Variants in FMO3 observed in about 807,000 individuals in gnomAD.
The protein encoded by FMO3 is flavin containing dimethylaniline monoxygenase 3.
In FMO3, 40 loss-of-function variants were observed where a neutral mutation model predicts 39.4. That is an observed-to-expected ratio of 1.02 (90% CI 0.79 to 1.32). FMO3 has a LOEUF of 1.32. FMO3 is among the 40% of genes most tolerant of loss of function. The pLI is 0.00. For synonymous variants in FMO3, 219 were observed against 228.8 expected (o/e 0.96, Z 0.39); for missense variants, 680 against 651.8 (o/e 1.04, Z -0.47).
chr1:171,100,818 A>G (rs12076145), intron 2 of FMO3: 123,285 of 256,838 alleles, frequency 0.48, 30,328 homozygotes, highest in African/African-American at 0.52. Context: ...CAAAGATATC[A>G]CATCCAAATT....
intron 2 of FMO3, among the ~76,000 whole-genome samples, chr1:171,098,382 G>A (rs192835551): frequency 1.2e-4 from 19 of 152,304 alleles, no homozygotes; most frequent in Non-Finnish European, 2.1e-4. Flanking sequence ...ACCTTGGGCA[G>A]TATGGCCATT....
chr1:171,110,177 G>C (rs963558499), intron 5 of FMO3, among the ~76,000 whole-genome samples: 3 of 152,210 alleles, frequency 2.0e-5, no homozygotes, highest in Admixed American at 1.3e-4. Flanking sequence ...AGGAGAGCCA[G>C]CGTTTGAGCG....
chr1:171,091,219 G>A (rs7060320), intron 1 of FMO3, among the ~76,000 whole-genome samples: 3,495 of 150,632 alleles, frequency 0.023, 62 homozygotes, highest in Middle Eastern at 0.061. Flanking sequence ...GCGAAACTCC[G>A]TCTCAAAAAA....
At chr1:171,091,939 A>T (rs1654730691) in intron 1 of FMO3, among the ~76,000 whole-genome samples, 1 of 151,940 alleles carries the variant, frequency 6.6e-6, no homozygotes, top group African/African-American at 2.4e-5. Flanking sequence ...ATACATATAC[A>T]TATGTGTTTC....
chr1:171,095,297 A>G (rs1482428565), intron 2 of FMO3, among the ~76,000 whole-genome samples: 1 of 152,146 alleles, frequency 6.6e-6, no homozygotes, highest in East Asian at 1.9e-4. Flanking sequence ...AAGTTCTTCA[A>G]TGCCCCTTTG....
intron 5 of FMO3, among the ~76,000 whole-genome samples, chr1:171,109,428 C>G (rs1736556): frequency 0.61 from 92,326 of 151,336 alleles, 28,804 homozygotes; most frequent in African/African-American, 0.76. Context: ...ATAGTTTTCA[C>G]AGATTTCTAT....
chr1:171,105,953 T>C (rs1655616360), intron 3 of FMO3, among the ~76,000 whole-genome samples: 1 of 152,096 alleles, frequency 6.6e-6, no homozygotes, highest in Non-Finnish European at 1.5e-5. Context: ...TTCAATATAG[T>C]AGCCACTAGT....
chr1:171,092,272 T>C (rs1218480276), intron 1 of FMO3, among the ~76,000 whole-genome samples: 2 of 152,052 alleles, frequency 1.3e-5, no homozygotes, highest in Non-Finnish European at 2.9e-5. Context: ...CAGGCTGGAG[T>C]GCAGTGGTAC....
At position 171,094,312 on chromosome 1, in the gene FMO3, T is replaced by C. The variant is rs138112961; in HGVS notation, c.132+1522T>C. On this transcript the variant is annotated intron_variant, in intron 2 of 8. Coordinates refer to ENST00000367755, the MANE Select transcript of FMO3 (RefSeq NM_001002294.3). ...CTTTTTCCCCTTTGTAATGGTGTTA[T>C]CTGTGCTTCTTTAAAATTGAGTTGC... Among the ~76,000 whole-genome samples, 218 of 152,296 alleles carry C rather than the reference T, an allele frequency of 1.4e-3. 1 individual carries two copies. The highest frequency in any genetic ancestry group is 5.0e-3 in the African/African-American group (209 of 41,566).
intron 2 of FMO3, among the ~76,000 whole-genome samples, chr1:171,096,861 A>G (rs1655117983): frequency 6.6e-6 from 1 of 150,730 alleles, no homozygotes; most frequent in Non-Finnish European, 1.5e-5. Flanking sequence ...ACATATGTAT[A>G]CATGTGCCAT....
Position 171,092,615 on chromosome 1 carries a change from A to G in FMO3, c.-6-38A>G, listed in dbSNP as rs762209489. The G allele has an allele frequency of 1.1e-5, 18 of 1,610,520 alleles. No homozygotes were observed. The African/African-American group carries it at 2.0e-4, about 18-fold the overall frequency. On this transcript the variant is annotated intron_variant, in intron 1 of 8. Transcript: ENST00000367755. ...TAAATAAGTAAATACATTTTCAGCA[A>G]TGTTGTTACTGGAAATGTTCTCTGG...
In FMO3 at chr1:171,107,799, A is replaced by G. The variant is rs1036658969; in HGVS notation, c.446A>G (p.His149Arg). The change falls in exon 4 of 9, where the codon CAT (histidine) becomes CGT (arginine). Residue 149 changes from histidine to arginine, a missense_variant. His to Arg is a conservative substitution (Grantham distance 29). Transcript: ENST00000367755. ...VFDAVMVCSG[H>R]HVYPNLPKES... ...GATGCTGTAATGGTTTGTTCCGGAC[A>G]TCATGTGTATCCCAACCTACCAAAA... The G allele has an allele frequency of 1.2e-6, 2 of 1,614,018 alleles. No individual in the cohort carries two copies. The highest frequency in any genetic ancestry group is 1.7e-5 in the Admixed American group (1 of 59,996).
At chr1:171,110,705 A>G in intron 5 of FMO3, 93 bp from the exon 6 acceptor site, 2 of 1,147,036 alleles carry the variant, frequency 1.7e-6, no homozygotes, top group Non-Finnish European at 2.7e-6. Context: ...AGCTGGGGTA[A>G]TAGATCCATT....
At chr1:171,106,050 A>G (rs1481089377) in intron 3 of FMO3, among the ~76,000 whole-genome samples, 2 of 151,944 alleles carry the variant, frequency 1.3e-5, no homozygotes, top group Non-Finnish European at 2.9e-5. Flanking sequence ...TACCTTATTA[A>G]TAAATTTTAA....
In FMO3 at chr1:171,108,167, C is replaced by A; in HGVS notation, c.573C>A (p.Gly191=). 1 of 1,613,914 alleles carries A rather than the reference C, an allele frequency of 6.2e-7. No individual in the cohort carries two copies. Among genetic ancestry groups the A allele is most frequent in the Non-Finnish European group, 8.5e-7 (1 of 1,179,904 alleles). ...ATGGAAAGCGTGTCCTGGTGGTTGG[C>A]CTGGGGAATTCGGGCTGTGATATTG... ...VFNGKRVLVV[G]LGNSGCDIAT... is the part of the protein sequence containing the mutation. The change falls in exon 5 of 9, where the codon GGC becomes GGA. Residue 191 remains glycine (G), a synonymous_variant. Coordinates refer to ENST00000367755, the MANE Select transcript of FMO3 (RefSeq NM_001002294.3).
Position 171,108,094 on chromosome 1 carries a change from A to G in FMO3, c.500A>G (p.Lys167Arg), listed in dbSNP as rs1655729428. 6.2e-7 allele frequency: 1 copy of G among 1,613,936 alleles called. No individual in the cohort carries two copies. Among genetic ancestry groups the G allele is most frequent in the Non-Finnish European group, 8.5e-7 (1 of 1,179,890 alleles). Residue 167 changes from lysine to arginine, a missense_variant, in exon 5 of 9, where the codon AAA becomes AGA. Physicochemically the swap from Lys to Arg is conservative, Grantham distance 26. Transcript: ENST00000367755. Reference protein sequence around the residue: ...KESFPGLNHFKGKCFHSRDYK... With the variant: ...KESFPGLNHFRGKCFHSRDYK... ...TTTCACTCAGGACTAAACCACTTTA[A>G]AGGCAAATGCTTCCACAGCAGGGAC...
intron 2 of FMO3, among the ~76,000 whole-genome samples, chr1:171,096,065 T>A (rs1179990423): frequency 5.9e-5 from 3 of 51,066 alleles, no homozygotes; most frequent in South Asian, 8.4e-4. Context: ...TAATATATAT[T>A]ATATATTAAT....
At chr1:171,100,173 A>C (rs1198330756) in intron 2 of FMO3, 1 of 152,210 alleles carries the variant, frequency 6.6e-6, no homozygotes, top group Non-Finnish European at 1.5e-5. Flanking sequence ...CGCACTGCTG[A>C]TATGGCTATT....
intron 3 of FMO3, among the ~76,000 whole-genome samples, chr1:171,105,159 C>T (rs1655585216): frequency 6.6e-6 from 1 of 152,108 alleles, no homozygotes; most frequent in Non-Finnish European, 1.5e-5. Context: ...AATTAAAAAT[C>T]TTCCCATAAA....
Sources: gnomAD v4.1 joint callset for allele counts (sites outside exome capture counted in the v4.1 genomes callset) on GRCh38, gnomAD v4.1.1 for gene constraint, MANE v1.5 for transcripts, NCBI Gene and HGNC (gene_info 2026-07-23, HGNC 2026-07-21) for gene names.